CARS1: variants seen among roughly 807,000 people sequenced by gnomAD.
The protein encoded by CARS1 is cysteine--tRNA ligase, cytoplasmic.
CARS1 carries 48 observed loss-of-function variants against 106.2 expected under a neutral mutation model. The observed-to-expected ratio is 0.45, with a 90% CI of 0.36 to 0.57. CARS1 has a LOEUF of 0.57. CARS1 is among the 20% of genes least tolerant of loss of function. The pLI is 0.00. For synonymous variants in CARS1, 409 were observed against 403.4 expected, an observed-to-expected ratio of 1.01 and a Z score of -0.17; for missense variants, 968 against 1,057.2, an observed-to-expected ratio of 0.92 and a Z score of 1.17.
At chr11:3,012,410 C>T (rs1850569422) in intron 17 of CARS1, 134 bp from the exon 18 acceptor site, 2 of 735,844 alleles carry the variant, frequency 2.7e-6, no homozygotes, top group Admixed American at 2.2e-5. Context: ...ACAGCTGTGA[C>T]CGGCATCCCA....
chr11:3,056,180 A>G (rs1386297774), intron 1 of CARS1, among the ~76,000 whole-genome samples: 1 of 152,224 alleles, frequency 6.6e-6, no homozygotes, highest in Non-Finnish European at 1.5e-5. Context: ...CTACCTATCT[A>G]TAACCCAATA....
In CARS1 at chr11:3,022,876, T is replaced by C. The variant is rs1851689905; in HGVS notation, c.1154-2544A>G. 6.6e-6 allele frequency among the ~76,000 whole-genome samples: 1 copy of C among 152,130 alleles called. No homozygotes were observed. The highest frequency in any genetic ancestry group is 1.5e-5 in the Non-Finnish European group (1 of 68,024). On this transcript the variant is annotated intron_variant, in intron 10 of 22. Coordinates refer to ENST00000380525, the MANE Select transcript of CARS1 (RefSeq NM_001014437.3). This position sits in a 1 kb window ranked among gnomAD's most constrained non-coding sequence, Gnocchi z 4.9. ...TTTTCCTCTACCATTAGAGTCCCCA[T>C]GGCGAGGAGCACATGACTGCACAGA...
intron 1 of CARS1, among the ~76,000 whole-genome samples, chr11:3,056,256 G>C (rs1343363513): frequency 6.6e-6 from 1 of 152,238 alleles, no homozygotes; most frequent in Non-Finnish European, 1.5e-5. Flanking sequence ...AACTGAGGGT[G>C]GGGGCTGGAG....
chr11:3,057,090 C>G (rs1175906788), intron 1 of CARS1, among the ~76,000 whole-genome samples: 1 of 152,102 alleles, frequency 6.6e-6, no homozygotes, highest in Non-Finnish European at 1.5e-5. Context: ...CCTCAGACCC[C>G]GGGCACTGAC....
intron 7 of CARS1, among the ~76,000 whole-genome samples, chr11:3,032,391 T>C (rs1331522291): frequency 6.6e-6 from 1 of 151,886 alleles, no homozygotes; most frequent in Admixed American, 6.6e-5. Flanking sequence ...AGGTCAGAAG[T>C]ATAGGTAACA....
At position 3,017,195 on chromosome 11, in the gene CARS1, G is replaced by C; in HGVS notation, c.1828C>G (p.Leu610Val). 6.2e-7 allele frequency: 1 copy of C among 1,614,164 alleles called. No individual in the cohort carries two copies. ...EMRALVSQCN[L>V]YMAARKAVRK... ...ACGGCTTTCCGGGCTGCCATATAGA[G>C]GTTGCACTGACTGACCAAGGCCCGC... Residue 610 changes from leucine (L) to valine (V), a missense_variant, in exon 16 of 23, where the codon CTC (leucine) becomes GTC (valine). Coordinates refer to ENST00000380525, the MANE Select transcript of CARS1 (RefSeq NM_001014437.3). This position sits in a 1 kb window ranked among gnomAD's most constrained non-coding sequence, Gnocchi z 4.9.
chr11:3,043,789 G>A lies in CARS1; in HGVS notation c.275-1533C>T, dbSNP rs1234615979. On this transcript the variant is annotated intron_variant, in intron 2 of 22. Coordinates refer to ENST00000380525, the MANE Select transcript of CARS1 (RefSeq NM_001014437.3). The surrounding 1 kb of genome is among the most constrained non-coding windows in gnomAD (Gnocchi z 4.0). ...ACGCTGATGACTAACAGGCCAAGGG[G>A]AGGAAGGAGGGCGGCTGCACTGTGT... Among the ~76,000 whole-genome samples, 2 of 152,154 alleles carry A rather than the reference G, an allele frequency of 1.3e-5. No homozygotes were observed. The highest frequency in any genetic ancestry group is 4.8e-5 in the African/African-American group (2 of 41,422).
Position 3,003,552 on chromosome 11 carries a change from C to T in CARS1, c.2218-952G>A, listed in dbSNP as rs928593631. Among the ~76,000 whole-genome samples, 2 of 152,048 alleles carry T rather than the reference C, an allele frequency of 1.3e-5. No homozygotes were observed. The highest frequency in any genetic ancestry group is 6.6e-5 in the Admixed American group (1 of 15,260). On this transcript the variant is annotated intron_variant, in intron 20 of 22. Transcript: ENST00000380525. The surrounding 1 kb of genome is among the most constrained non-coding windows in gnomAD (Gnocchi z 4.8). ...GACCAGATAAGGTCTCCTGGGGAGG[C>T]GCCACACACAGAGCTAGGGAAAAGA...
In CARS1 at chr11:3,017,846, C is replaced by T; in HGVS notation, c.1727+11G>A. The T allele has an allele frequency of 6.3e-7, 1 of 1,585,866 alleles. No individual in the cohort carries two copies. Among genetic ancestry groups the T allele is most frequent in the Non-Finnish European group, 8.7e-7 (1 of 1,154,772 alleles). On this transcript the variant is annotated intron_variant, in intron 15 of 22. Coordinates refer to ENST00000380525, the MANE Select transcript of CARS1 (RefSeq NM_001014437.3). This position sits in a 1 kb window ranked among gnomAD's most constrained non-coding sequence, Gnocchi z 4.9. ...ATGCTCAAAAACCCCAAAGAAATGG[C>T]ACCACCTTACTTCTTATTCAGTTCT...
chr11:3,022,450 G>A lies in CARS1; in HGVS notation c.1154-2118C>T, dbSNP rs1773522318. On this transcript the variant is annotated intron_variant, in intron 10 of 22. Transcript: ENST00000380525. This position sits in a 1 kb window ranked among gnomAD's most constrained non-coding sequence, Gnocchi z 4.9. ...CCAAATCTCAGGGAGGCGGATCTGA[G>A]GTTTCCTCCCATCTCCATTTGTCCA... is the stretch of plus-strand genomic sequence containing the variant. Among the ~76,000 whole-genome samples, 1 of 152,118 alleles carries A rather than the reference G, an allele frequency of 6.6e-6. No homozygotes were observed. The highest frequency in any genetic ancestry group is 1.5e-5 in the Non-Finnish European group (1 of 68,026).
chr11:3,026,953 G>T (rs1187750800), intron 9 of CARS1, 156 bp from the exon 10 acceptor site: 1 of 767,188 alleles, frequency 1.3e-6, no homozygotes, highest in Non-Finnish European at 2.0e-6. Context: ...TCAGCTGTTT[G>T]GACTGAGTGG....
intron 7 of CARS1, chr11:3,031,267 C>A (rs978971613): frequency 2.6e-5 from 4 of 152,032 alleles, no homozygotes; most frequent in Non-Finnish European, 4.4e-5. Flanking sequence ...ATTTACCAAT[C>A]AAAGAAAAGT....
chr11:3,039,264 A>C lies in CARS1; in HGVS notation c.581T>G (p.Leu194Arg), dbSNP rs749759551. ...CCTCTTCTCCCGATACTGCTCGAAC[A>C]GGTGGTTCTGCCGGGCCCTCTTGAT... ...KIIKRARQNH[L>R]FEQYREKRPE... Residue 194 changes from leucine to arginine, a missense_variant, in exon 6 of 23, where the codon CTG (leucine) becomes CGG (arginine). Coordinates refer to ENST00000380525, the MANE Select transcript of CARS1 (RefSeq NM_001014437.3). This position sits in a 1 kb window ranked among gnomAD's most constrained non-coding sequence, Gnocchi z 5.6. The C allele has an allele frequency of 6.8e-6, 11 of 1,613,616 alleles. No individual in the cohort carries two copies. The African/African-American group carries it at 9.3e-5, about 14-fold the overall frequency.
chr11:3,042,133 T>C (rs1854538278), intron 3 of CARS1, 32 bp downstream of exon 3: 1 of 1,543,108 alleles, frequency 6.5e-7, no homozygotes, highest in East Asian at 2.3e-5. Context: ...CCCCATTGTG[T>C]GCGTGTGCCA....
intron 19 of CARS1, among the ~76,000 whole-genome samples, 185 bp from the exon 20 acceptor site, chr11:3,005,618 TTG>T (rs1200834809): frequency 1.9e-4 from 28 of 148,074 alleles, no homozygotes; most frequent in Admixed American, 7.8e-4. Flanking sequence ...ACATTTTGGT[TTG>T]TGTGTGTGTG....
rs1851152557 is a variant in CARS1 at position 3,017,472 on chromosome 11, C to CG, written c.1728-178_1728-177insC. Reference sequence around the variant, plus strand: ...AGCCTGACAAACATGGAGAGACCCCCACCTCTACTAAAAATCTGAAATTAG... The same window carrying CG: ...AGCCTGACAAACATGGAGAGACCCCCGACCTCTACTAAAAATCTGAAATTAG... On this transcript the variant is annotated intron_variant, in intron 15 of 22. Coordinates refer to ENST00000380525, the MANE Select transcript of CARS1 (RefSeq NM_001014437.3). The surrounding 1 kb of genome is among the most constrained non-coding windows in gnomAD (Gnocchi z 4.9). The CG allele has an allele frequency of 1.7e-6, 1 of 595,610 alleles. No individual in the cohort carries two copies. Among genetic ancestry groups the CG allele is most frequent in the Non-Finnish European group, 3.0e-6 (1 of 336,076 alleles). The allele number at this position is 595,610 out of a possible 1,614,324, so 36.9% of individuals were successfully genotyped here.
Position 3,040,587 on chromosome 11 carries a change from G to A in CARS1, c.455+309C>T, listed in dbSNP as rs544698217. 1.8e-6 allele frequency: 1 copy of A among 546,676 alleles called. No individual in the cohort carries two copies. The highest frequency in any genetic ancestry group is 4.4e-5 in the East Asian group (1 of 22,896). 33.9% of individuals were successfully genotyped at this position (546,676 alleles called of 1,614,324 possible). The stretch of plus-strand genomic sequence containing the variant: ...ATCTGGGGACCCCACGAGAGCTTGA[G>A]GGATGAGAGAAAACTTTAAGGTATG... On this transcript the variant is annotated intron_variant, in intron 4 of 22. Coordinates refer to ENST00000380525, the MANE Select transcript of CARS1 (RefSeq NM_001014437.3). This position sits in a 1 kb window ranked among gnomAD's most constrained non-coding sequence, Gnocchi z 5.8.
At position 3,029,484 on chromosome 11, in the gene CARS1, C is replaced by T. The variant is rs1036761551; in HGVS notation, c.802-41G>A. ...CAAAAATCCAGCAGCGGGCCACACA[C>T]TTCACATGAGAACATCTCGTGCAGC... On this transcript the variant is annotated intron_variant, in intron 7 of 22. Transcript: ENST00000380525. This position sits in a 1 kb window ranked among gnomAD's most constrained non-coding sequence, Gnocchi z 5.9. The T allele has an allele frequency of 1.9e-6, 3 of 1,605,588 alleles. No individual in the cohort carries two copies. Among genetic ancestry groups the T allele is most frequent in the Non-Finnish European group, 2.5e-6 (3 of 1,177,014 alleles).
Position 3,004,167 on chromosome 11 carries a change from C to T in CARS1, c.2217+1199G>A, listed in dbSNP as rs1849643176. 6.6e-6 allele frequency among the ~76,000 whole-genome samples: 1 copy of T among 152,174 alleles called. No homozygotes were observed. Among genetic ancestry groups the T allele is most frequent in the South Asian group, 2.1e-4 (1 of 4,830 alleles). The stretch of plus-strand genomic sequence containing the variant: ...GAGGGGCCCTGATGAGGCAGTCACA[C>T]CAGCCAACCTCACAGGGCAAGCCCA... On this transcript the variant is annotated intron_variant, in intron 20 of 22. Transcript: ENST00000380525. This position sits in a 1 kb window ranked among gnomAD's most constrained non-coding sequence, Gnocchi z 5.2.
Sources: gnomAD v4.1 joint callset for allele counts (sites outside exome capture counted in the v4.1 genomes callset) on GRCh38, gnomAD v4.1.1 for gene constraint, Gnocchi (gnomAD v3.1) non-coding constraint, MANE v1.5 for transcripts, NCBI Gene and HGNC (gene_info 2026-07-23, HGNC 2026-07-21) for gene names.